The following PARVG variants were observed in gnomAD, a reference collection of about 807,000 sequenced individuals.
The protein encoded by PARVG is parvin gamma, also known as gamma-parvin.
Under a neutral mutation model 44.4 loss-of-function variants are expected in PARVG, and 36 were observed. That is an observed-to-expected ratio of 0.81 (90% CI 0.62 to 1.07). The LOEUF (loss-of-function observed/expected upper bound fraction) is 1.07. PARVG is among the 50% of genes least tolerant of loss of function. PARVG has a pLI of 0.00. For synonymous variants in PARVG, 170 were observed against 174.1 expected, an observed-to-expected ratio of 0.98 and a Z score of 0.19; for missense variants, 407 against 407.4, an observed-to-expected ratio of 1.00 and a Z score of 0.01.
intron 3 of PARVG, chr22:44,183,994 C>A (rs2054425724): frequency 5.4e-6 from 1 of 183,592 alleles, no homozygotes; most frequent in East Asian, 1.3e-4. Context: ...AATTCAACGA[C>A]TATAGGTCGC....
chr22:44,203,289 C>T (rs1450064768), intron 12 of PARVG, among the ~76,000 whole-genome samples: 1 of 152,076 alleles, frequency 6.6e-6, no homozygotes, highest in Non-Finnish European at 1.5e-5. Flanking sequence ...GAAGTGTTTC[C>T]AAAACATTGG....
chr22:44,173,510 G>A (rs139106), intron 1 of PARVG, among the ~76,000 whole-genome samples: 18,350 of 151,852 alleles, frequency 0.12, 1,384 homozygotes, highest in South Asian at 0.27. Context: ...TCCAGGATGG[G>A]TAGCCTGGAG....
In PARVG at chr22:44,196,562, G is replaced by A. The variant is rs143277278; in HGVS notation, c.711+147G>A. 87 of 944,150 alleles carry A rather than the reference G, an allele frequency of 9.2e-5. No individual in the cohort carries two copies. The East Asian group carries it at 2.2e-3, about 24-fold the overall frequency. 58.5% of individuals were successfully genotyped at this position (944,150 alleles called of 1,614,324 possible). ...TAGGGTCCCCCTCCCCGGTGGGACT[G>A]TTGCTGGCAGGCAGCAGTGGTCACC... On this transcript the variant is annotated intron_variant, in intron 11 of 13. Coordinates refer to ENST00000444313, the MANE Select transcript of PARVG (RefSeq NM_022141.7).
At chr22:44,204,444 G>A (rs946966518) in intron 12 of PARVG, among the ~76,000 whole-genome samples, 3 of 152,258 alleles carry the variant, frequency 2.0e-5, no homozygotes, top group African/African-American at 7.2e-5. Flanking sequence ...CAGCCAGGAT[G>A]TGTGACTTGT....
In PARVG at chr22:44,189,265, C is replaced by T; in HGVS notation, c.388+11C>T. ...AGTGGAGCGTGGAGAGTACGTGGGC[C>T]ACAACCTGGCTACCCCTGGGGAGTG... On this transcript the variant is annotated intron_variant, in intron 6 of 13. Transcript: ENST00000444313. 6.2e-7 allele frequency: 1 copy of T among 1,613,586 alleles called. No individual in the cohort carries two copies. Among genetic ancestry groups the T allele is most frequent in the Non-Finnish European group, 8.5e-7 (1 of 1,179,792 alleles).
upstream of PARVG, among the ~76,000 whole-genome samples, chr22:44,176,975 A>G (rs556381494): frequency 2.0e-5 from 3 of 152,268 alleles, no homozygotes; most frequent in African/African-American, 2.4e-5. Context: ...ACAGCATGGA[A>G]AAACCCGTCC....
In PARVG at chr22:44,180,966, A is replaced by T. The variant is rs1441782937; in HGVS notation, c.-408A>T. 2.8e-5 allele frequency: 28 copies of T among 985,336 alleles called. No homozygotes were observed. The highest frequency in any genetic ancestry group is 1.0e-3 in the Middle Eastern group (2 of 1,914). The allele number at this position is 985,336 out of a possible 1,614,324, so 61.0% of individuals were successfully genotyped here. ...TCGGGTCTGAAGTGTTTCTCTATCT[A>T]CTGTGCTGAGATCTCTCCTTCTCGA... On this transcript the variant is annotated 5_prime_UTR_variant, in exon 1 of 14. Transcript: ENST00000444313.
At chr22:44,201,393 C>T (rs924372275) in intron 12 of PARVG, among the ~76,000 whole-genome samples, 1 of 152,228 alleles carries the variant, frequency 6.6e-6, no homozygotes, top group African/African-American at 2.4e-5. Context: ...GGCAGCCTCA[C>T]ACCAGCACAG....
rs563412736 is a variant in PARVG, at chr22:44,206,204, T to A, written c.887-113T>A. 8 of 778,576 alleles carry A rather than the reference T, an allele frequency of 1.0e-5. No individual in the cohort carries two copies. The East Asian group carries it at 1.8e-4, about 18-fold the overall frequency. The allele number at this position is 778,576 out of a possible 1,614,324, so 48.2% of individuals were successfully genotyped here. ...ACCAGCTGTCCTGGCTTCCAGGGATTCTCCTGGGATTAGCACTGAAATCCT... is the reference window on the plus strand; with the variant it reads ...ACCAGCTGTCCTGGCTTCCAGGGATACTCCTGGGATTAGCACTGAAATCCT... On this transcript the variant is annotated intron_variant, in intron 13 of 13. Coordinates refer to ENST00000444313, the MANE Select transcript of PARVG (RefSeq NM_022141.7).
intron 12 of PARVG, among the ~76,000 whole-genome samples, chr22:44,202,631 G>A (rs1441742844): frequency 6.6e-6 from 1 of 152,252 alleles, no homozygotes; most frequent in East Asian, 1.9e-4. Flanking sequence ...CATATTGTGG[G>A]CAATCTCTGC....
intron 3 of PARVG, 46 bp from the exon 4 acceptor site, chr22:44,185,762 G>GC (rs1569179194): frequency 3.9e-6 from 6 of 1,546,438 alleles, no homozygotes; most frequent in Non-Finnish European, 5.3e-6. Flanking sequence ...GTGGCCAAGC[G>GC]CCCCACAGGG....
At chr22:44,198,461 G>A (rs1417549906) in intron 11 of PARVG, among the ~76,000 whole-genome samples, 160 bp from the exon 12 acceptor site, 1 of 152,196 alleles carries the variant, frequency 6.6e-6, no homozygotes, top group African/African-American at 2.4e-5. Flanking sequence ...CTTTTTACCT[G>A]CAACCCTGTG....
At position 44,185,811 on chromosome 22, in the gene PARVG, G is replaced by A. The variant is rs200586719; in HGVS notation, c.83G>A (p.Gly28Glu). 617 of 1,613,334 alleles carry A rather than the reference G, an allele frequency of 3.8e-4. 7 individuals are homozygous for A. In the South Asian group the frequency reaches 6.5e-3, roughly 17 times the overall value. ...GTCATACCCACTCTGCTTCCAGGAG[G>A]AAAGAAGAAATACCTGCCACCCACT... ...PPAEEELSKG[G>E]KKKYLPPTSR... The change falls in exon 4 of 14, where the codon GGA becomes GAA. Residue 28 changes from glycine (G) to glutamate (E), a missense_variant. Gly to Glu is a moderately conservative substitution (Grantham distance 98). Transcript: ENST00000444313.
chr22:44,191,819 T>G (rs1449091151), intron 7 of PARVG, among the ~76,000 whole-genome samples: 3 of 152,200 alleles, frequency 2.0e-5, no homozygotes, highest in Non-Finnish European at 4.4e-5. Context: ...CATTCATTTG[T>G]TCATAGTCAC....
At chr22:44,178,182 A>T (rs1440418730), upstream of PARVG, among the ~76,000 whole-genome samples, 1 of 152,190 alleles carries the variant, frequency 6.6e-6, no homozygotes, top group African/African-American at 2.4e-5. Context: ...CAGCATGGAA[A>T]TGGACTAATA....
intron 6 of PARVG, 92 bp downstream of exon 6, chr22:44,189,346 C>T: frequency 2.0e-6 from 3 of 1,517,696 alleles, no homozygotes; most frequent in Non-Finnish European, 2.7e-6. Flanking sequence ...AAGGCGCACT[C>T]ATCCTTCTCC....
chr22:44,181,560 A>G (rs1480763665), intron 1 of PARVG, 182 bp from the exon 2 acceptor site: 1 of 580,636 alleles, frequency 1.7e-6, no homozygotes, highest in African/African-American at 2.0e-5. Flanking sequence ...GCCTGCGGGG[A>G]AACTGGCATG....
intron 8 of PARVG, 104 bp downstream of exon 8, chr22:44,192,208 C>T (rs954684221): frequency 4.6e-5 from 61 of 1,329,442 alleles, no homozygotes; most frequent in Non-Finnish European, 5.8e-5. Context: ...TGGGAAGGGC[C>T]CTCACATTCT....
Position 44,187,797 on chromosome 22 carries a change from G to A in PARVG, c.166G>A (p.Ala56Thr). Reference sequence around the variant, plus strand: ...GCAGGTGTTGATGGAGTGGATCAATGCCACTCTTCTCCCCGAGCACATTGT... The same window carrying A: ...GCAGGTGTTGATGGAGTGGATCAATACCACTCTTCTCCCCGAGCACATTGT... The part of the protein sequence containing the change: ...LQKVLMEWIN[A>T]TLLPEHIVVR... Residue 56 changes from alanine to threonine, a missense_variant, in exon 5 of 14, where the codon GCC becomes ACC. Physicochemically the swap from Ala to Thr is moderately conservative, Grantham distance 58. Coordinates refer to ENST00000444313, the MANE Select transcript of PARVG (RefSeq NM_022141.7). The A allele has an allele frequency of 6.2e-7, 1 of 1,614,252 alleles. No individual in the cohort carries two copies. The highest frequency in any genetic ancestry group is 8.5e-7 in the Non-Finnish European group (1 of 1,180,040).
Sources: gnomAD v4.1 joint callset for allele counts (sites outside exome capture counted in the v4.1 genomes callset) on GRCh38, gnomAD v4.1.1 for gene constraint, MANE v1.5 for transcripts, NCBI Gene and HGNC (gene_info 2026-07-23, HGNC 2026-07-21) for gene names.